The following SCD5 variants were observed in gnomAD, a reference collection of about 807,000 sequenced individuals.
The protein encoded by SCD5 is acyl-CoA-desaturase 4.
Under a neutral mutation model 30.4 loss-of-function variants are expected in SCD5, and 20 were observed. That is an observed-to-expected ratio of 0.66 (90% CI 0.46 to 0.96). The LOEUF is 0.96. Among genes scored for constraint, SCD5 ranks in the 40% least tolerant of loss-of-function variants. The pLI, the probability that SCD5 is intolerant of heterozygous loss-of-function variation, is 0.00. For synonymous variants in SCD5, 173 were observed against 176.4 expected (o/e 0.98, Z 0.16); for missense variants, 381 against 443.3 (o/e 0.86, Z 1.26).
chr4:82,784,502 G>T (rs928296501), intron 1 of SCD5, among the ~76,000 whole-genome samples: 3 of 152,058 alleles, frequency 2.0e-5, no homozygotes, highest in Non-Finnish European at 2.9e-5. Context: ...AATTCTTTTT[G>T]GGGGGAGGAA....
At chr4:82,679,254 A>AAGAG (rs1728509652) in intron 3 of SCD5, among the ~76,000 whole-genome samples, 1 of 112,804 alleles carries the variant, frequency 8.9e-6, no homozygotes, top group African/African-American at 3.3e-5. Flanking sequence ...GAAAGAAAGA[A>AAGAG]AGAAAGAAGG....
At chr4:82,791,192 C>T (rs1184143528) in intron 1 of SCD5, among the ~76,000 whole-genome samples, 4 of 151,862 alleles carry the variant, frequency 2.6e-5, no homozygotes, top group African/African-American at 7.3e-5. Flanking sequence ...GACCCGAGAT[C>T]GTGCCACTGC....
At chr4:82,668,352 G>A (rs935517315) in intron 3 of SCD5, among the ~76,000 whole-genome samples, 7 of 152,162 alleles carry the variant, frequency 4.6e-5, no homozygotes, top group African/African-American at 1.7e-4. Context: ...TCTGTAGAGA[G>A]AGGGGCCCAG....
chr4:82,682,128 A>G (rs990176278), intron 2 of SCD5, among the ~76,000 whole-genome samples: 2 of 152,228 alleles, frequency 1.3e-5, no homozygotes, highest in African/African-American at 4.8e-5. Context: ...GGAACAGGGC[A>G]GCACTCACTG....
intron 1 of SCD5, among the ~76,000 whole-genome samples, chr4:82,712,153 A>G (rs1418968481): frequency 1.4e-5 from 2 of 145,886 alleles, no homozygotes; most frequent in African/African-American, 5.1e-5. Flanking sequence ...GCCAGGATAC[A>G]ATCTAAGGCA....
At position 82,630,029 on chromosome 4, in the gene SCD5, G is replaced by C. The variant is rs546852788; in HGVS notation, c.*1298C>G. The stretch of plus-strand genomic sequence containing the variant: ...AGCTAAAGTACATGCATCAGTGGCT[G>C]GGATCAATTAGAATATAAATTAGGT... On this transcript the variant is annotated 3_prime_UTR_variant, in exon 5 of 5. Transcript: ENST00000319540. 2 of 152,290 alleles carry C rather than the reference G, an allele frequency of 1.3e-5. No individual in the cohort carries two copies. The highest frequency in any genetic ancestry group is 3.9e-4 in the East Asian group (2 of 5,184). The allele number at this position is 152,290 out of a possible 1,614,324, so 9.4% of individuals were successfully genotyped here.
Position 82,675,499 on chromosome 4 carries a change from A to G in SCD5, c.569+5208T>C, listed in dbSNP as rs575355545. 4.9e-4 allele frequency among the ~76,000 whole-genome samples: 74 copies of G among 152,322 alleles called. 1 individual carries two copies. The highest frequency in any genetic ancestry group is 1.7e-3 in the African/African-American group (71 of 41,568). On this transcript the variant is annotated intron_variant, in intron 3 of 4. Transcript: ENST00000319540. ...CATTTTGATCTCTTCCCAAGGCACC[A>G]GAACAGAACTGATTTGCTCTTTTGA...
At chr4:82,744,306 A>G (rs1243214023) in intron 1 of SCD5, among the ~76,000 whole-genome samples, 1 of 152,038 alleles carries the variant, frequency 6.6e-6, no homozygotes, top group Non-Finnish European at 1.5e-5. Context: ...TTATCCTCCC[A>G]CTCATACAAA....
intron 1 of SCD5, among the ~76,000 whole-genome samples, chr4:82,773,886 T>C (rs1425122971): frequency 6.6e-6 from 1 of 151,936 alleles, no homozygotes; most frequent in Non-Finnish European, 1.5e-5. Flanking sequence ...GGTCAGGAGT[T>C]TGAGACCAGC....
intron 1 of SCD5, among the ~76,000 whole-genome samples, chr4:82,779,157 G>A (rs953504679): frequency 1.3e-5 from 2 of 151,506 alleles, no homozygotes; most frequent in South Asian, 2.1e-4. Context: ...GAGTCACTGC[G>A]ATCAGCTGCC....
At chr4:82,749,394 G>C (rs74370695) in intron 1 of SCD5, among the ~76,000 whole-genome samples, 3,238 of 152,260 alleles carry the variant, frequency 0.021, 112 homozygotes, top group African/African-American at 0.073. Context: ...GCTTGCTACA[G>C]GCAGGAAAAT....
intron 1 of SCD5, among the ~76,000 whole-genome samples, chr4:82,764,385 G>C (rs966176873): frequency 3.3e-5 from 5 of 152,084 alleles, no homozygotes; most frequent in African/African-American, 1.2e-4. Context: ...TTTTCTTTTT[G>C]TCTAATTGTT....
chr4:82,722,658 G>A (rs1182341975), intron 1 of SCD5, among the ~76,000 whole-genome samples: 1 of 105,758 alleles, frequency 9.5e-6, no homozygotes, highest in East Asian at 2.7e-4. Flanking sequence ...CCCAGCTACT[G>A]AGGAGCTGAG....
intron 1 of SCD5, among the ~76,000 whole-genome samples, chr4:82,755,868 T>C (rs1365868626): frequency 1.3e-5 from 2 of 152,244 alleles, no homozygotes; most frequent in Admixed American, 6.5e-5. Flanking sequence ...GGCTCCATTA[T>C]CTTTTTGTCA....
At chr4:82,631,600 T>C (rs1577996645) in intron 4 of SCD5, 83 bp from the exon 5 acceptor site, 1 of 1,447,356 alleles carries the variant, frequency 6.9e-7, no homozygotes, top group Non-Finnish European at 9.4e-7. Flanking sequence ...TTTCAGGGTT[T>C]ACCATGTGCA....
chr4:82,683,192 T>G (rs914358201), intron 2 of SCD5, among the ~76,000 whole-genome samples: 1 of 152,206 alleles, frequency 6.6e-6, no homozygotes, highest in Non-Finnish European at 1.5e-5. Context: ...TACTGTAATA[T>G]GAAAGAGGTC....
intron 4 of SCD5, among the ~76,000 whole-genome samples, chr4:82,632,722 C>T (rs996174521): frequency 3.9e-5 from 6 of 152,178 alleles, no homozygotes; most frequent in Admixed American, 6.5e-5. Flanking sequence ...TTTTAATGAT[C>T]GCCATTCTAA....
intron 1 of SCD5, among the ~76,000 whole-genome samples, chr4:82,788,980 C>T (rs908617075): frequency 6.6e-6 from 1 of 152,102 alleles, no homozygotes; most frequent in African/African-American, 2.4e-5. Context: ...TAGAAATTTT[C>T]CTTTTCTTTT....
intron 1 of SCD5, among the ~76,000 whole-genome samples, chr4:82,720,732 CA>C (rs1578037370): frequency 6.6e-6 from 1 of 152,268 alleles, no homozygotes; most frequent in East Asian, 1.9e-4. Flanking sequence ...TTTCCTCAGG[CA>C]TTGCCCTACC....
Sources: gnomAD v4.1 joint callset for allele counts (sites outside exome capture counted in the v4.1 genomes callset) on GRCh38, gnomAD v4.1.1 for gene constraint, MANE v1.5 for transcripts, NCBI Gene and HGNC (gene_info 2026-07-23, HGNC 2026-07-21) for gene names.